The following ICA1L variants were observed in gnomAD, a reference collection of about 807,000 sequenced individuals.
ICA1L encodes the protein islet cell autoantigen 1 like, also known as islet cell autoantigen 1-like protein.
A neutral mutation model predicts 61.3 loss-of-function variants in ICA1L; 50 were observed. The observed-to-expected ratio is 0.82, with a 90% CI of 0.65 to 1.03. The LOEUF is 1.03. Among genes scored for constraint, ICA1L ranks in the 50% least tolerant of loss-of-function variants. The pLI is 0.00. For synonymous variants in ICA1L, 161 were observed against 191.3 expected, an observed-to-expected ratio of 0.84 and a Z score of 1.31; for missense variants, 508 against 556.7, an observed-to-expected ratio of 0.91 and a Z score of 0.88.
intron 1 of ICA1L, among the ~76,000 whole-genome samples, chr2:202,832,435 C>CAAAAAAA (rs35735506): frequency 2.5e-5 from 2 of 80,890 alleles, no homozygotes; most frequent in Non-Finnish European, 5.0e-5. Flanking sequence ...GACTCCGTCA[C>CAAAAAAA]AAAAAAAAAA....
intron 1 of ICA1L, among the ~76,000 whole-genome samples, chr2:202,837,789 G>A (rs143524271): frequency 5.3e-4 from 80 of 150,572 alleles, no homozygotes; most frequent in African/African-American, 1.7e-3. Flanking sequence ...TTCTCTCTTC[G>A]AACTTCTTTT....
intron 1 of ICA1L, among the ~76,000 whole-genome samples, chr2:202,853,698 T>C (rs1307857569): frequency 6.6e-6 from 1 of 151,966 alleles, no homozygotes; most frequent in Non-Finnish European, 1.5e-5. Flanking sequence ...GCAAAGAATA[T>C]GAACACACAC....
chr2:202,837,768 T>C (rs1317577084), intron 1 of ICA1L, among the ~76,000 whole-genome samples: 3 of 152,244 alleles, frequency 2.0e-5, no homozygotes, highest in South Asian at 2.1e-4. Flanking sequence ...CAGGCATTCA[T>C]TGCTATAAAC....
intron 10 of ICA1L, among the ~76,000 whole-genome samples, chr2:202,789,630 T>G (rs1692687552): frequency 1.3e-5 from 2 of 152,020 alleles, no homozygotes; most frequent in South Asian, 4.1e-4. Flanking sequence ...CATAATGCAA[T>G]AAAAAGACAA....
chr2:202,783,454 G>A (rs1468828556), intron 12 of ICA1L, among the ~76,000 whole-genome samples: 1 of 152,178 alleles, frequency 6.6e-6, no homozygotes. Context: ...CACCATTCCT[G>A]CACTGGTAGT....
rs1271212048 is a variant in ICA1L, at chr2:202,815,445, T to TGTC, written c.783+465_783+466insGAC. Among the ~76,000 whole-genome samples the TGTC allele has an allele frequency of 2.0e-5, 3 of 152,290 alleles. No homozygotes were observed. The East Asian group carries it at 5.8e-4, about 29-fold the overall frequency. On this transcript the variant is annotated intron_variant, in intron 7 of 12. Transcript: ENST00000358299. ...GCATAATGTTGGTTATCATGAACCATATCCATGACATCAGTGTAAAAGTAA... is the reference window on the plus strand; with the variant it reads ...GCATAATGTTGGTTATCATGAACCATGTCATCCATGACATCAGTGTAAAAGTAA...
At position 202,828,842 on chromosome 2, in the gene ICA1L, A is replaced by T. The variant is rs772836079; in HGVS notation, c.162+6T>A. 1 of 1,612,770 alleles carries T rather than the reference A, an allele frequency of 6.2e-7. No individual in the cohort carries two copies. The highest frequency in any genetic ancestry group is 8.5e-7 in the Non-Finnish European group (1 of 1,179,060). On this transcript the variant is annotated splice_donor_region_variant and intron_variant, in intron 2 of 12. Coordinates refer to ENST00000358299, the MANE Select transcript of ICA1L (RefSeq NM_001288622.3). ...TATATGCAATACATAGAATCCTCAA[A>T]TTTACCTCAAGTTTAGCATCCAGTT...
chr2:202,866,930 G>A (rs1179069364), intron 1 of ICA1L, among the ~76,000 whole-genome samples: 1 of 152,048 alleles, frequency 6.6e-6, no homozygotes, highest in Non-Finnish European at 1.5e-5. Flanking sequence ...CAGGGCGAGA[G>A]CACGAGACTC....
intron 9 of ICA1L, among the ~76,000 whole-genome samples, chr2:202,797,864 C>T (rs542953945): frequency 8.5e-5 from 13 of 152,260 alleles, no homozygotes; most frequent in African/African-American, 3.1e-4. Context: ...TAAATACAGT[C>T]ACCACGTTTT....
chr2:202,828,130 G>A (rs1287855154), intron 2 of ICA1L, among the ~76,000 whole-genome samples: 1 of 152,004 alleles, frequency 6.6e-6, no homozygotes, highest in Non-Finnish European at 1.5e-5. Context: ...TGGGAATGGT[G>A]GTACATGCCT....
chr2:202,847,786 T>C (rs746952201), intron 1 of ICA1L, among the ~76,000 whole-genome samples: 1 of 147,652 alleles, frequency 6.8e-6, no homozygotes, highest in Non-Finnish European at 1.5e-5. Context: ...CACTTGTATG[T>C]TCACTGCAGC....
chr2:202,828,807 A>C, intron 2 of ICA1L, 41 bp downstream of exon 2: 1 of 1,553,462 alleles, frequency 6.4e-7, no homozygotes, highest in Non-Finnish European at 8.9e-7. Context: ...AGCCCCAAAT[A>C]ATGGCTGGTT....
chr2:202,816,050 C>G, intron 6 of ICA1L, 41 bp from the exon 7 acceptor site: 2 of 1,307,574 alleles, frequency 1.5e-6, no homozygotes, highest in South Asian at 1.4e-5. Flanking sequence ...TCTGCTTCCC[C>G]TCCATGATTT....
chr2:202,805,152 A>C (rs957972987), intron 9 of ICA1L, among the ~76,000 whole-genome samples: 1 of 152,196 alleles, frequency 6.6e-6, no homozygotes, highest in Non-Finnish European at 1.5e-5. Context: ...AAATGTCCAG[A>C]AAATACAAAT....
At chr2:202,837,825 T>C (rs996646235) in intron 1 of ICA1L, among the ~76,000 whole-genome samples, 4 of 152,134 alleles carry the variant, frequency 2.6e-5, no homozygotes, top group East Asian at 1.9e-4. Context: ...TTTTGGGATA[T>C]TGTATTTCCA....
chr2:202,828,568 T>A (rs1051154328), intron 2 of ICA1L, among the ~76,000 whole-genome samples: 4 of 152,244 alleles, frequency 2.6e-5, no homozygotes, highest in African/African-American at 7.2e-5. Context: ...CAACTGGGAA[T>A]GTAATCATTA....
intron 1 of ICA1L, among the ~76,000 whole-genome samples, chr2:202,870,362 TA>T (rs1045405833): frequency 4.6e-5 from 7 of 152,304 alleles, no homozygotes; most frequent in African/African-American, 1.7e-4. Context: ...ACTCTAAAAT[TA>T]AACTGGTAAT....
At chr2:202,818,892 A>AT (rs1400052124) in intron 5 of ICA1L, among the ~76,000 whole-genome samples, 1 of 152,260 alleles carries the variant, frequency 6.6e-6, no homozygotes, top group Non-Finnish European at 1.5e-5. Flanking sequence ...TGAAAGTTGC[A>AT]TAACATACAA....
At chr2:202,796,038 TAAAAAAA>T (rs946498142) in intron 10 of ICA1L, among the ~76,000 whole-genome samples, 1 of 136,288 alleles carries the variant, frequency 7.3e-6, no homozygotes, top group Non-Finnish European at 1.6e-5. Context: ...GCGAGACTGT[TAAAAAAA>T]AAAAAAAGTA....
Sources: gnomAD v4.1 joint callset for allele counts (sites outside exome capture counted in the v4.1 genomes callset) on GRCh38, gnomAD v4.1.1 for gene constraint, MANE v1.5 for transcripts, NCBI Gene and HGNC (gene_info 2026-07-23, HGNC 2026-07-21) for gene names.